The following SELENOI variants were observed in gnomAD, a reference collection of about 807,000 sequenced individuals.
The protein encoded by SELENOI is selenoprotein I, also known as ethanolaminephosphotransferase 1.
Under a neutral mutation model 50.7 loss-of-function variants are expected in SELENOI, and 24 were observed. The observed-to-expected ratio is 0.47, with a 90% confidence interval of 0.34 to 0.67. The LOEUF (loss-of-function observed/expected upper bound fraction) is 0.67. Among genes scored for constraint, SELENOI ranks in the 30% least tolerant of loss-of-function variants. The probability of loss-of-function intolerance (pLI) is 0.01; values close to 1 mark genes in which losing one functional copy is unlikely to be tolerated. For synonymous variants in SELENOI, 155 were observed against 170.2 expected (o/e 0.91, Z 0.70); for missense variants, 352 against 461.4 (o/e 0.76, Z 2.17).
At position 26,358,407 on chromosome 2, in the gene SELENOI, C is replaced by CA. The variant is rs1204101329; in HGVS notation, c.58-5887dup. Among the ~76,000 whole-genome samples, 11 of 151,808 alleles carry CA rather than the reference C, an allele frequency of 7.2e-5. No individual in the cohort carries two copies. The East Asian group carries it at 7.7e-4, about 11-fold the overall frequency. ...GTCTCAAAAGAAGACAAAAACAAAA[C>CA]AAAAAAAACCTTTTATAGCCCAGGC... On this transcript the variant is annotated intron_variant, in intron 1 of 9. Transcript: ENST00000260585.
intron 4 of SELENOI, among the ~76,000 whole-genome samples, chr2:26,370,834 A>G (rs1677412134): frequency 8.9e-6 from 1 of 112,994 alleles, no homozygotes; most frequent in Non-Finnish European, 1.8e-5. Context: ...CGGGGGGCTG[A>G]CACCCCCACC....
At chr2:26,379,081 C>A (rs1677628239) in intron 6 of SELENOI, among the ~76,000 whole-genome samples, 2 of 152,138 alleles carry the variant, frequency 1.3e-5, no homozygotes, top group Non-Finnish European at 1.5e-5. Context: ...TTGAGACCAG[C>A]CTGGCCAATG....
intron 6 of SELENOI, among the ~76,000 whole-genome samples, chr2:26,381,977 C>T (rs995895212): frequency 2.2e-4 from 33 of 152,102 alleles, no homozygotes; most frequent in African/African-American, 7.7e-4. Context: ...AATGGAACAT[C>T]CAAATGAAGT....
chr2:26,371,755 G>A (rs1020429680), intron 4 of SELENOI, among the ~76,000 whole-genome samples: 4 of 152,218 alleles, frequency 2.6e-5, no homozygotes, highest in African/African-American at 7.2e-5. Context: ...CAGGCACTCC[G>A]CAGGCTGAGG....
At chr2:26,348,996 CTTTTTTTTTTTTTTTTTTTTTTTT>C (rs869073468) in intron 1 of SELENOI, among the ~76,000 whole-genome samples, 2 of 57,690 alleles carry the variant, frequency 3.5e-5, no homozygotes, top group Admixed American at 3.2e-4. Flanking sequence ...TTTGGACAGG[CTTTTTTTTTTTTTTTTTTTTTTTT>C]TTTTTTTTTT....
Position 26,385,025 on chromosome 2 carries a change from A to G in SELENOI, c.798A>G (p.Pro266=), listed in dbSNP as rs755731051. Residue 266 remains proline, a synonymous_variant, in exon 8 of 10, where the codon CCA becomes CCG. Coordinates refer to ENST00000260585, the MANE Select transcript of SELENOI (RefSeq NM_033505.4). The stretch of plus-strand genomic sequence containing the variant: ...AAGCTATGGTTCCCTTATTTTCTCC[A>G]TGCTTGCTGTTCATTTTGTCTACAG... ...VYEAMVPLFS[P]CLLFILSTAW... is the part of the protein sequence containing the mutation. 3.1e-6 allele frequency: 5 copies of G among 1,613,142 alleles called. No individual in the cohort carries two copies. The African/African-American group carries it at 6.7e-5, about 22-fold the overall frequency.
chr2:26,364,734 T>G, intron 2 of SELENOI, 98 bp from the exon 3 acceptor site: 2 of 793,676 alleles, frequency 2.5e-6, no homozygotes, highest in Non-Finnish European at 3.9e-6. Context: ...ATCTTTCAAA[T>G]GTATAGCTTT....
At chr2:26,352,843 G>GA (rs35795789) in intron 1 of SELENOI, among the ~76,000 whole-genome samples, 49,334 of 126,020 alleles carry the variant, frequency 0.39, 8,733 homozygotes, top group South Asian at 0.48. Flanking sequence ...GGATTCTCTT[G>GA]AAAAAAAAAA....
At chr2:26,384,675 A>G (rs62128673) in intron 7 of SELENOI, among the ~76,000 whole-genome samples, 4,446 of 152,296 alleles carry the variant, frequency 0.029, 95 homozygotes, top group Middle Eastern at 0.054. Context: ...TTAGCACAGC[A>G]GTTGATAGTT....
rs1280373335 is a variant in SELENOI at position 26,346,209 on chromosome 2, T to A, written c.-24T>A. 6.2e-7 allele frequency: 1 copy of A among 1,613,430 alleles called. No homozygotes were observed. On this transcript the variant is annotated 5_prime_UTR_variant, in exon 1 of 10. Coordinates refer to ENST00000260585, the MANE Select transcript of SELENOI (RefSeq NM_033505.4). ...CTTGTAGCCGGGAGTCGCTGCCGAGTGGGCGCTCAGTTTTCGGGTCGTCAT... is the reference window on the plus strand; with the variant it reads ...CTTGTAGCCGGGAGTCGCTGCCGAGAGGGCGCTCAGTTTTCGGGTCGTCAT...
At chr2:26,358,580 A>G (rs1321376429) in intron 1 of SELENOI, among the ~76,000 whole-genome samples, 1 of 152,174 alleles carries the variant, frequency 6.6e-6, no homozygotes, top group East Asian at 1.9e-4. Flanking sequence ...TGGCATTTTT[A>G]CAGAGACTTA....
At position 26,392,547 on chromosome 2, in the gene SELENOI, A is replaced by G. The variant is rs565787161; in HGVS notation, c.*3444A>G. The G allele has an allele frequency of 2.6e-5, 4 of 152,354 alleles. No individual in the cohort carries two copies. Among genetic ancestry groups the G allele is most frequent in the African/African-American group, 7.2e-5 (3 of 41,572 alleles). The allele number at this position is 152,354 out of a possible 1,614,324, so 9.4% of individuals were successfully genotyped here. On this transcript the variant is annotated 3_prime_UTR_variant, in exon 10 of 10. Coordinates refer to ENST00000260585, the MANE Select transcript of SELENOI (RefSeq NM_033505.4). ...CTCTTATCTACCCACCACCTAGGAC[A>G]GAGGCTGCCCACTCAGGTCTTGCCT...
chr2:26,386,559 G>A, intron 9 of SELENOI, 23 bp downstream of exon 9: 1 of 1,527,054 alleles, frequency 6.5e-7, no homozygotes, highest in South Asian at 1.3e-5. Flanking sequence ...CAGCAAAATG[G>A]GTTCAATTTG....
intron 1 of SELENOI, among the ~76,000 whole-genome samples, chr2:26,360,374 A>C (rs1481812779): frequency 6.6e-6 from 1 of 152,242 alleles, no homozygotes; most frequent in Non-Finnish European, 1.5e-5. Flanking sequence ...AATAATTGAA[A>C]TCCAATTAGG....
At chr2:26,364,404 T>C (rs1366845966) in intron 2 of SELENOI, 34 bp downstream of exon 2, 1 of 1,375,526 alleles carries the variant, frequency 7.3e-7, no homozygotes, top group Non-Finnish European at 1.0e-6. Context: ...CTTTTTGTTT[T>C]AGTAAGTTTT....
rs555874806 is a variant in SELENOI at position 26,360,989 on chromosome 2, T to C, written c.58-3313T>C. On this transcript the variant is annotated intron_variant, in intron 1 of 9. Coordinates refer to ENST00000260585, the MANE Select transcript of SELENOI (RefSeq NM_033505.4). The stretch of plus-strand genomic sequence containing the variant: ...CAGCACTTTGGGAGGCCAAGGTGGG[T>C]GGGTCACGAGGTCAGGAGATCGAGA... Among the ~76,000 whole-genome samples, 29 of 152,234 alleles carry C rather than the reference T, an allele frequency of 1.9e-4. 1 individual carries two copies. In the South Asian group the frequency reaches 5.2e-3, roughly 27 times the overall value.
chr2:26,367,113 CTG>C, intron 3 of SELENOI, 31 bp from the exon 4 acceptor site: 1 of 1,580,322 alleles, frequency 6.3e-7, no homozygotes, highest in East Asian at 2.3e-5. Context: ...TGTACTTAAA[CTG>C]TATTAAAATC....
In SELENOI at chr2:26,390,998, A is replaced by G. The variant is rs1201668369; in HGVS notation, c.*1895A>G. ...TTATATAAGAAAAGAACTGATAAAT[A>G]TTTATAAAATGACAAACTTGGACCA... On this transcript the variant is annotated 3_prime_UTR_variant, in exon 10 of 10. Coordinates refer to ENST00000260585, the MANE Select transcript of SELENOI (RefSeq NM_033505.4). The G allele has an allele frequency of 6.6e-6, 1 of 152,240 alleles. No individual in the cohort carries two copies. The highest frequency in any genetic ancestry group is 1.5e-5 in the Non-Finnish European group (1 of 68,052). 9.4% of individuals were successfully genotyped at this position (152,240 alleles called of 1,614,324 possible).
At position 26,393,105 on chromosome 2, in the gene SELENOI, G is replaced by A. The variant is rs768362298; in HGVS notation, c.*4002G>A. The A allele has an allele frequency of 1.7e-4, 26 of 152,600 alleles. No homozygotes were observed. The highest frequency in any genetic ancestry group is 3.1e-4 in the Non-Finnish European group (21 of 68,024). The allele number at this position is 152,600 out of a possible 1,614,324, so 9.5% of individuals were successfully genotyped here. On this transcript the variant is annotated 3_prime_UTR_variant, in exon 10 of 10. Coordinates refer to ENST00000260585, the MANE Select transcript of SELENOI (RefSeq NM_033505.4). ...TTCCTTTATTGATTATGTAACCCAC[G>A]TGATTTGCATATTTTAGTTTTTATG...
Sources: allele counts gnomAD v4.1 joint callset (sites outside exome capture counted in the v4.1 genomes callset), GRCh38; gene constraint gnomAD v4.1.1; transcripts MANE v1.5; gene names NCBI Gene and HGNC (gene_info 2026-07-23, HGNC 2026-07-21).